EDC3: variants seen among roughly 807,000 people sequenced by gnomAD.
The protein encoded by EDC3 is enhancer of mRNA decapping 3.
A neutral mutation model predicts 41.8 loss-of-function variants in EDC3; 20 were observed. The ratio of observed to expected loss-of-function variants is 0.48; its 90% CI spans 0.34 to 0.70. The LOEUF (loss-of-function observed/expected upper bound fraction) is 0.70. Among genes scored for constraint, EDC3 ranks in the 30% least tolerant of loss-of-function variants. The pLI, the probability that EDC3 is intolerant of heterozygous loss-of-function variation, is 0.01. For synonymous variants in EDC3, 206 were observed against 243.2 expected, an observed-to-expected ratio of 0.85 and a Z score of 1.42; for missense variants, 444 against 636.8, an observed-to-expected ratio of 0.70 and a Z score of 3.26.
At chr15:74,653,978 C>T (rs1186721022) in intron 4 of EDC3, among the ~76,000 whole-genome samples, 3 of 151,960 alleles carry the variant, frequency 2.0e-5, no homozygotes, top group Non-Finnish European at 4.4e-5. Context: ...TAGGGCTGGG[C>T]GCGGTGGCTC....
At chr15:74,658,126 C>A (rs1006531440) in intron 3 of EDC3, among the ~76,000 whole-genome samples, 4 of 152,204 alleles carry the variant, frequency 2.6e-5, no homozygotes, top group African/African-American at 9.6e-5. Context: ...TCTGACTACC[C>A]TGAAAACGTG....
chr15:74,655,861 G>A lies in EDC3; in HGVS notation c.692C>T (p.Thr231Ile), dbSNP rs920437460. 3.1e-6 allele frequency: 5 copies of A among 1,614,104 alleles called. No individual in the cohort carries two copies. Among genetic ancestry groups the A allele is most frequent in the South Asian group, 1.1e-5 (1 of 91,086 alleles). Residue 231 changes from threonine to isoleucine, a missense_variant, in exon 4 of 7, where the codon ACC becomes ATC. Around this residue, in one of 3 missense-constraint regions of EDC3, gnomAD observed 242 missense variants for 363.8 expected, o/e 0.67. Transcript: ENST00000315127. The part of the protein sequence containing the change: ...EIDTYERRSG[T>I]RSRGIPNERP... ...TTCATTTGGGATGCCCCGGGAACGG[G>A]TACCACTTCTCCTTTCATAGGTATC...
chr15:74,640,676 CG>C, intron 4 of EDC3, 57 bp from the exon 5 acceptor site: 1 of 1,604,432 alleles, frequency 6.2e-7, no homozygotes, highest in South Asian at 1.1e-5. Context: ...AAGTCCAAAC[CG>C]GGTATACTCT....
intron 4 of EDC3, among the ~76,000 whole-genome samples, chr15:74,648,433 G>A (rs908350143): frequency 1.3e-5 from 2 of 152,184 alleles, no homozygotes; most frequent in African/African-American, 2.4e-5. Flanking sequence ...TGTCCTAAGA[G>A]CTAGATACAT....
intron 1 of EDC3, chr15:74,687,204 A>C (rs1370004341): frequency 1.3e-5 from 2 of 152,076 alleles, no homozygotes; most frequent in African/African-American, 4.8e-5. Context: ...AAAACAAAAA[A>C]CAGTATGCCC....
intron 4 of EDC3, chr15:74,643,401 C>G (rs1205303197): frequency 6.6e-6 from 1 of 152,128 alleles, no homozygotes; most frequent in African/African-American, 2.4e-5. Context: ...ATAACCAGAT[C>G]GTGACAAGCA....
intron 1 of EDC3, among the ~76,000 whole-genome samples, chr15:74,686,378 T>C (rs1433672411): frequency 6.6e-6 from 1 of 151,772 alleles, no homozygotes; most frequent in African/African-American, 2.4e-5. Context: ...TCCCAGCTAC[T>C]TGGGAGGCTG....
chr15:74,631,499 A>T lies in EDC3; in HGVS notation c.*1113T>A, dbSNP rs941955673. The T allele has an allele frequency of 6.6e-6, 1 of 152,268 alleles. No homozygotes were observed. Among genetic ancestry groups the T allele is most frequent in the Non-Finnish European group, 1.5e-5 (1 of 68,102 alleles). 9.4% of individuals were successfully genotyped at this position (152,268 alleles called of 1,614,324 possible). A position where few individuals can be genotyped will look rare whatever the true frequency, so the allele number is the denominator to read the frequency against. ...CTAGCCTCATTTTGCCATCTTTGAG[A>T]CAGGGTGCTGGCCCCAAGCCTACTC... On this transcript the variant is annotated 3_prime_UTR_variant, in exon 7 of 7. Coordinates refer to ENST00000315127, the MANE Select transcript of EDC3 (RefSeq NM_025083.5).
At chr15:74,685,714 C>T (rs1361775261) in intron 1 of EDC3, among the ~76,000 whole-genome samples, 2 of 151,964 alleles carry the variant, frequency 1.3e-5, no homozygotes, top group Non-Finnish European at 1.5e-5. Context: ...CCCACTCACA[C>T]GAGGAAGTCA....
chr15:74,652,250 C>G (rs1264731948), intron 4 of EDC3, among the ~76,000 whole-genome samples: 3 of 148,492 alleles, frequency 2.0e-5, no homozygotes, highest in Non-Finnish European at 4.4e-5. Flanking sequence ...TTTTTTGAGA[C>G]AGAGTCTCGC....
chr15:74,679,772 A>AC (rs964818522), intron 1 of EDC3: 45 of 149,920 alleles, frequency 3.0e-4, no homozygotes, highest in African/African-American at 1.1e-3. Context: ...AAAAAAAAAA[A>AC]AAAAAAAAAA....
chr15:74,690,085 T>G (rs1009903186), intron 1 of EDC3, among the ~76,000 whole-genome samples: 1 of 152,236 alleles, frequency 6.6e-6, no homozygotes, highest in Non-Finnish European at 1.5e-5. Context: ...TTCTGTGTAG[T>G]ATTCAACAAT....
intron 1 of EDC3, among the ~76,000 whole-genome samples, chr15:74,677,748 T>A (rs1298355458): frequency 6.6e-6 from 1 of 152,194 alleles, no homozygotes; most frequent in Non-Finnish European, 1.5e-5. Flanking sequence ...CCTTGGTATT[T>A]ACCCAGATGA....
chr15:74,689,715 G>A (rs2062981983), intron 1 of EDC3, among the ~76,000 whole-genome samples: 1 of 152,012 alleles, frequency 6.6e-6, no homozygotes, highest in African/African-American at 2.4e-5. Context: ...TAGTGGAGAT[G>A]GGGTTTCACC....
intron 3 of EDC3, among the ~76,000 whole-genome samples, chr15:74,666,073 C>CA (rs2062673996): frequency 6.6e-6 from 1 of 152,120 alleles, no homozygotes. Flanking sequence ...GTTAAGATTA[C>CA]AGGCATAAGC....
intron 1 of EDC3, among the ~76,000 whole-genome samples, chr15:74,693,678 C>T (rs545828438): frequency 6.6e-6 from 1 of 152,222 alleles, no homozygotes; most frequent in South Asian, 2.1e-4. Flanking sequence ...ATCTCGCCCA[C>T]TCAGTTATAG....
Position 74,656,055 on chromosome 15 carries a change from G to A in EDC3, c.498C>T (p.Ser166=), listed in dbSNP as rs562794805. 16 of 1,611,062 alleles carry A rather than the reference G, an allele frequency of 9.9e-6. No homozygotes were observed. The highest frequency in any genetic ancestry group is 8.4e-5 in the Admixed American group (5 of 59,676). Residue 166 remains serine, a synonymous_variant, in exon 4 of 7, where the codon AGC becomes AGT. Coordinates refer to ENST00000315127, the MANE Select transcript of EDC3 (RefSeq NM_025083.5). ...RRRHNSWSSS[S]RHPNQATPKK... is the part of the protein sequence containing the mutation. ...TGGGAGTTGCCTGATTTGGGTGCCT[G>A]CTACTAGATGACCCTGGAGAAAAAA...
intron 4 of EDC3, chr15:74,644,009 CT>C (rs1210343023): frequency 6.7e-6 from 1 of 150,264 alleles, no homozygotes; most frequent in African/African-American, 2.4e-5. Context: ...TTTATACCCC[CT>C]GACCAGCAAT....
chr15:74,654,667 GT>G (rs886489869), intron 4 of EDC3, among the ~76,000 whole-genome samples: 80 of 145,406 alleles, frequency 5.5e-4, no homozygotes, highest in South Asian at 1.3e-3. Flanking sequence ...TCAGCAGCTT[GT>G]TTTTTTTTTA....
Sources: allele counts gnomAD v4.1 joint callset (sites outside exome capture counted in the v4.1 genomes callset), GRCh38; gene constraint gnomAD v4.1.1; regional missense constraint gnomAD v4.1.1; transcripts MANE v1.5; gene names NCBI Gene and HGNC (gene_info 2026-07-23, HGNC 2026-07-21).